DIAPH2: variants seen among roughly 807,000 people sequenced by gnomAD.
The protein encoded by DIAPH2 is protein diaphanous homolog 2.
DIAPH2 carries 35 observed loss-of-function variants against 92.7 expected under a neutral mutation model. The observed-to-expected ratio is 0.38, with a 90% CI of 0.29 to 0.50. The LOEUF (loss-of-function observed/expected upper bound fraction) is 0.50. Ranked by LOEUF, DIAPH2 falls within the 20% of genes least tolerant of loss-of-function variation. The pLI, the probability that DIAPH2 is intolerant of heterozygous loss-of-function variation, is 0.94. For missense variants in DIAPH2, 701 were observed against 819.5 expected (o/e 0.86, Z 1.77); for synonymous variants, 301 against 280.4 (o/e 1.07, Z -0.73).
chrX:97,119,353 T>A (rs994154172), intron 21 of DIAPH2, among the ~76,000 whole-genome samples: 2 of 111,410 alleles, frequency 1.8e-5, no homozygotes, highest in Admixed American at 9.5e-5. Flanking sequence ...TCTAGGCACC[T>A]GGCTCTGGGC....
In DIAPH2 at chrX:96,863,627, T is replaced by A. The variant is rs907490886; in HGVS notation, c.448-17952T>A. Among the ~76,000 whole-genome samples the A allele has an allele frequency of 2.7e-5, 3 of 111,119 alleles. No homozygotes were observed. The Admixed American group carries it at 2.9e-4, about 11-fold the overall frequency. On this transcript the variant is annotated intron_variant, in intron 4 of 26. Coordinates refer to ENST00000324765, the MANE Select transcript of DIAPH2 (RefSeq NM_006729.5). ...CTAGAGTTTTTTTTACCTAATTGAATTTTTTACCTAGTTGAAATCATTTTT... is the reference window on the plus strand; with the variant it reads ...CTAGAGTTTTTTTTACCTAATTGAAATTTTTACCTAGTTGAAATCATTTTT...
rs1396036932 is a variant in DIAPH2 at position 97,511,577 on chromosome X, G to A, written c.3241+81832G>A. On this transcript the variant is annotated intron_variant, in intron 26 of 26. Coordinates refer to ENST00000324765, the MANE Select transcript of DIAPH2 (RefSeq NM_006729.5). ...AGGAGTGGTGAGAGAGGGCATCCCTGTCTTGTGCCAGTTTTCAAAGGGAAT... is the reference window on the plus strand; with the variant it reads ...AGGAGTGGTGAGAGAGGGCATCCCTATCTTGTGCCAGTTTTCAAAGGGAAT... Among the ~76,000 whole-genome samples the A allele has an allele frequency of 3.6e-5, 4 of 109,652 alleles. No individual in the cohort carries two copies. In the East Asian group the frequency reaches 1.1e-3, roughly 31 times the overall value.
At chrX:97,478,230 C>A (rs1387086135) in intron 26 of DIAPH2, among the ~76,000 whole-genome samples, 2 of 112,009 alleles carry the variant, frequency 1.8e-5, no homozygotes, top group Admixed American at 9.5e-5. Context: ...TGTAATTCTT[C>A]TTGCTAGTAA....
chrX:97,169,709 T>C (rs1231363549), intron 22 of DIAPH2, among the ~76,000 whole-genome samples: 2 of 111,316 alleles, frequency 1.8e-5, no homozygotes, highest in Non-Finnish European at 3.8e-5. Context: ...ACAAATAATT[T>C]TTTAAGAAAC....
intron 19 of DIAPH2, among the ~76,000 whole-genome samples, chrX:97,084,157 ACTT>A (rs1212602327): frequency 9.0e-6 from 1 of 110,932 alleles, no homozygotes; most frequent in East Asian, 2.8e-4. Flanking sequence ...CATGGTAACG[ACTT>A]CTTCTCTGAA....
intron 1 of DIAPH2, among the ~76,000 whole-genome samples, chrX:96,714,475 G>C (rs1374949456): frequency 9.1e-6 from 1 of 110,267 alleles, no homozygotes; most frequent in Admixed American, 9.7e-5. Context: ...TGTTGGTCAG[G>C]TTGGTCTCGA....
intron 8 of DIAPH2, among the ~76,000 whole-genome samples, chrX:96,917,419 A>AAACCAAAAAAC (rs1238960138): frequency 9.0e-6 from 1 of 111,534 alleles, no homozygotes; most frequent in Non-Finnish European, 1.9e-5. Context: ...AACACTAAAC[A>AAACCAAAAAAC]AAAATATTAT....
chrX:96,893,993 G>T (rs921690706), intron 5 of DIAPH2, among the ~76,000 whole-genome samples: 1 of 112,113 alleles, frequency 8.9e-6, no homozygotes, highest in Non-Finnish European at 1.9e-5. Flanking sequence ...TTTAAACCTG[G>T]AATCTTCTGT....
Position 96,873,711 on chromosome X carries a change from C to T in DIAPH2, c.448-7868C>T, listed in dbSNP as rs970245040. 2.7e-5 allele frequency among the ~76,000 whole-genome samples: 3 copies of T among 109,403 alleles called. No individual in the cohort carries two copies. The East Asian group carries it at 8.5e-4, about 31-fold the overall frequency. The stretch of plus-strand genomic sequence containing the variant: ...AAATATATATACACATGTATATATA[C>T]ACACACACATATATAACACACAAAT... On this transcript the variant is annotated intron_variant, in intron 4 of 26. Coordinates refer to ENST00000324765, the MANE Select transcript of DIAPH2 (RefSeq NM_006729.5).
At position 97,357,681 on chromosome X, in the gene DIAPH2, G is replaced by A. The variant is rs776840995; in HGVS notation, c.3009+9401G>A. ...ACACAGTGCTGATCTCGAAGGATAT[G>A]TATGAATGGCTTAATGAATTAATAG... On this transcript the variant is annotated intron_variant, in intron 24 of 26. Coordinates refer to ENST00000324765, the MANE Select transcript of DIAPH2 (RefSeq NM_006729.5). Among the ~76,000 whole-genome samples the A allele has an allele frequency of 2.7e-5, 3 of 111,966 alleles. No individual in the cohort carries two copies. In the South Asian group the frequency reaches 1.1e-3, roughly 42 times the overall value.
intron 23 of DIAPH2, among the ~76,000 whole-genome samples, chrX:97,265,982 C>G (rs1331598898): frequency 8.9e-6 from 1 of 111,945 alleles, no homozygotes; most frequent in African/African-American, 3.2e-5. Flanking sequence ...GGCATTGTTG[C>G]AAAACTAATT....
intron 24 of DIAPH2, among the ~76,000 whole-genome samples, chrX:97,379,851 G>A (rs963660452): frequency 1.8e-5 from 2 of 111,809 alleles, no homozygotes; most frequent in African/African-American, 6.5e-5. Flanking sequence ...CTTGCTTCGT[G>A]TAGACCTGAC....
At chrX:96,872,995 T>C (rs773189198) in intron 4 of DIAPH2, among the ~76,000 whole-genome samples, 1 of 111,980 alleles carries the variant, frequency 8.9e-6, no homozygotes, top group South Asian at 3.8e-4. Flanking sequence ...TTGAGGAAGC[T>C]CCATACTGTT....
At chrX:97,441,622 C>A (rs1739173103) in intron 26 of DIAPH2, among the ~76,000 whole-genome samples, 1 of 111,188 alleles carries the variant, frequency 9.0e-6, no homozygotes, top group Admixed American at 9.5e-5. Context: ...TCGAGACCAT[C>A]CTGGCCTATA....
chrX:96,870,354 G>A (rs895130512), intron 4 of DIAPH2, among the ~76,000 whole-genome samples: 1 of 109,469 alleles, frequency 9.1e-6, no homozygotes, highest in East Asian at 2.9e-4. Context: ...CTCCACCTCC[G>A]GGGTTCACGC....
intron 23 of DIAPH2, among the ~76,000 whole-genome samples, chrX:97,296,370 T>C (rs1236020120): frequency 1.6e-4 from 18 of 111,751 alleles, no homozygotes. Context: ...CTTTATGTAT[T>C]AATTTATCTA....
At chrX:96,820,189 G>A (rs1383307291) in intron 4 of DIAPH2, among the ~76,000 whole-genome samples, 1 of 112,286 alleles carries the variant, frequency 8.9e-6, no homozygotes, top group Non-Finnish European at 1.9e-5. Flanking sequence ...TTGATCCTAG[G>A]CTGAGTGCAA....
intron 5 of DIAPH2, among the ~76,000 whole-genome samples, chrX:96,892,661 A>C (rs935088003): frequency 1.8e-5 from 2 of 111,948 alleles, no homozygotes; most frequent in Non-Finnish European, 3.8e-5. Flanking sequence ...TGTGTCATAC[A>C]TTATTTTAAA....
chrX:96,746,643 T>A (rs2064152221), intron 3 of DIAPH2, among the ~76,000 whole-genome samples: 1 of 110,769 alleles, frequency 9.0e-6, no homozygotes, highest in Non-Finnish European at 1.9e-5. Flanking sequence ...GGCCTTGACC[T>A]TCTGGGATCA....
Sources: gnomAD v4.1 joint callset for allele counts (sites outside exome capture counted in the v4.1 genomes callset) on GRCh38, gnomAD v4.1.1 for gene constraint, MANE v1.5 for transcripts, NCBI Gene and HGNC (gene_info 2026-07-23, HGNC 2026-07-21) for gene names.